The following AHNAK2 variants were observed in gnomAD, a reference collection of about 807,000 sequenced individuals.
The protein encoded by AHNAK2 is protein AHNAK2.
In AHNAK2, 18 loss-of-function variants were observed where a neutral mutation model predicts 30.7. The observed-to-expected ratio is 0.59, with a 90% CI of 0.41 to 0.87. The LOEUF (loss-of-function observed/expected upper bound fraction) is 0.87. AHNAK2 is among the 40% of genes least tolerant of loss of function. The pLI is 0.00. For missense variants in AHNAK2, 8,604 were observed against 7,373.0 expected (o/e 1.17, Z -6.11); for synonymous variants, 3,590 against 3,073.8 (o/e 1.17, Z -5.56).
At chr14:104,964,214 CA>C (rs749097958) in intron 1 of AHNAK2, among the ~76,000 whole-genome samples, 14 of 152,196 alleles carry the variant, frequency 9.2e-5, no homozygotes, top group Non-Finnish European at 1.8e-4. Flanking sequence ...AGAGGATATT[CA>C]ACCAGCCGAT....
At position 104,953,450 on chromosome 14, in the gene AHNAK2, T is replaced by C. The variant is rs1395942506; in HGVS notation, c.2001A>G (p.Glu667=). The C allele has an allele frequency of 1.9e-6, 3 of 1,613,936 alleles. No individual in the cohort carries two copies. In the African/African-American group the frequency reaches 4.0e-5, roughly 22 times the overall value. Reference sequence around the variant, plus strand: ...TGAACTTGCTGTCTTTGGTGGCCACTTCCTTTTCTGTCAGAATTTGTTCCT... The same window carrying C: ...TGAACTTGCTGTCTTTGGTGGCCACCTCCTTTTCTGTCAGAATTTGTTCCT... The part of the protein sequence containing the change: ...LKKEQILTEK[E]VATKDSKFKM... Residue 667 remains glutamate, a synonymous_variant, in exon 7 of 7, where the codon GAA becomes GAG. Coordinates refer to ENST00000333244, the MANE Select transcript of AHNAK2 (RefSeq NM_138420.4).
At chr14:104,974,162 C>A (rs1260806751) in intron 1 of AHNAK2, among the ~76,000 whole-genome samples, 1 of 152,254 alleles carries the variant, frequency 6.6e-6, no homozygotes, top group African/African-American at 2.4e-5. Flanking sequence ...GGTGGAGACA[C>A]CCTCAAGCTC....
chr14:104,950,624 C>T lies in AHNAK2; in HGVS notation c.4827G>A (p.Lys1609=). Reference sequence around the variant, plus strand: ...TCACATCGGGGGCTGTCACTTCCACCTTGGGGCCTTTCAGGTCCAGCTTGG... The same window carrying T: ...TCACATCGGGGGCTGTCACTTCCACTTTGGGGCCTTTCAGGTCCAGCTTGG... ...KGPKLDLKGP[K]VEVTAPDVKM... Residue 1609 remains lysine (K), a synonymous_variant, in exon 7 of 7, where the codon AAG becomes AAA. Coordinates refer to ENST00000333244, the MANE Select transcript of AHNAK2 (RefSeq NM_138420.4). 3 of 1,587,294 alleles carry T rather than the reference C, an allele frequency of 1.9e-6. No individual in the cohort carries two copies. The South Asian group carries it at 3.3e-5, about 18-fold the overall frequency.
Position 104,946,098 on chromosome 14 carries a change from G to A in AHNAK2, c.9353C>T (p.Ala3118Val). Residue 3118 changes from alanine to valine, a missense_variant, in exon 7 of 7, where the codon GCC (alanine) becomes GTC (valine). By Grantham distance (64) the Ala-to-Val change is moderately conservative (BLOSUM62 0). Transcript: ENST00000333244. The part of the protein sequence containing the change: ...GMEVDVEAPG[A>V]KLDGARLEGD... ...CTCCAGCCGTGCACCATCCAACTTG[G>A]CTCCTGGGGCCTCGACATCCACCTC... 1.2e-6 allele frequency: 2 copies of A among 1,611,036 alleles called. No homozygotes were observed. Among genetic ancestry groups the A allele is most frequent in the Non-Finnish European group, 1.7e-6 (2 of 1,179,032 alleles).
intron 1 of AHNAK2, among the ~76,000 whole-genome samples, chr14:104,972,655 C>T (rs1350508292): frequency 6.6e-6 from 1 of 152,240 alleles, no homozygotes; most frequent in Non-Finnish European, 1.5e-5. Flanking sequence ...AGCCCTGGAA[C>T]ACATGACGGA....
rs1264851066 is a variant in AHNAK2, at chr14:104,949,010, A to G, written c.6441T>C (p.Thr2147=). The change falls in exon 7 of 7, where the codon ACT becomes ACC. Residue 2147 remains threonine (T), a synonymous_variant. Transcript: ENST00000333244. ...GDLTLANKDL[T]TKDSKFKMPK... Reference sequence around the variant, plus strand: ...GCATTTTGAACTTGCTGTCTTTGGTAGTCAGGTCCTTGTTGGCCAGGGTCA... The same window carrying G: ...GCATTTTGAACTTGCTGTCTTTGGTGGTCAGGTCCTTGTTGGCCAGGGTCA... 9.5e-6 allele frequency: 11 copies of G among 1,159,652 alleles called. 4 individuals are homozygous for G. The highest frequency in any genetic ancestry group is 1.4e-5 in the South Asian group (1 of 69,988). The allele number at this position is 1,159,652 out of a possible 1,614,324, so 71.8% of individuals were successfully genotyped here. A position where few individuals can be genotyped will look rare whatever the true frequency, so the allele number is the denominator to read the frequency against.
intron 1 of AHNAK2, among the ~76,000 whole-genome samples, chr14:104,964,719 G>A (rs998504293): frequency 2.6e-5 from 4 of 152,248 alleles, no homozygotes; most frequent in African/African-American, 7.2e-5. Context: ...GGGGGAGCCC[G>A]TCACATCCAG....
rs200283728 is a variant in AHNAK2 at position 104,944,609 on chromosome 14, C to T, written c.10842G>A (p.Lys3614=). ...VEVDVQAPKA[K]LDAGRLEGDL... ...CTCCCTCCAGCCGCCCAGCATCCAG[C>T]TTGGCCTTCGGGGCCTGGACATCCA... is the stretch of plus-strand genomic sequence containing the variant. The change falls in exon 7 of 7, where the codon AAG becomes AAA. Residue 3614 remains lysine (K), a synonymous_variant. Coordinates refer to ENST00000333244, the MANE Select transcript of AHNAK2 (RefSeq NM_138420.4). The T allele has an allele frequency of 2.7e-4, 438 of 1,612,020 alleles. 2 individuals are homozygous for T. The highest frequency in any genetic ancestry group is 3.3e-4 in the Non-Finnish European group (387 of 1,179,270).
chr14:104,966,627 C>T lies in AHNAK2; in HGVS notation c.56-8955G>A, dbSNP rs1026248813. On this transcript the variant is annotated intron_variant, in intron 1 of 6. Transcript: ENST00000333244. This position sits in a 1 kb window ranked among gnomAD's most constrained non-coding sequence, Gnocchi z 4.3. ...TGCCAAACCCTCCACTCCTTGCCCACCTGCCCCCTCCCACTCCCTCCACGT... is the reference window on the plus strand; with the variant it reads ...TGCCAAACCCTCCACTCCTTGCCCATCTGCCCCCTCCCACTCCCTCCACGT... Among the ~76,000 whole-genome samples, 1 of 152,142 alleles carries T rather than the reference C, an allele frequency of 6.6e-6. No homozygotes were observed. The highest frequency in any genetic ancestry group is 1.5e-5 in the Non-Finnish European group (1 of 68,026).
At position 104,939,991 on chromosome 14, in the gene AHNAK2, TG is replaced by T; in HGVS notation, c.15459del (p.Thr5154HisfsTer28). 1.9e-6 allele frequency: 3 copies of T among 1,612,316 alleles called. No homozygotes were observed. Among genetic ancestry groups the T allele is most frequent in the Non-Finnish European group, 1.7e-6 (2 of 1,179,886 alleles). The part of the protein sequence containing the change: ...VSQPCGEGIA[P>X]TPEDPLQPSC... ...GATGGCTGGAGGGGATCTTCAGGTG[TG>T]GGGGCTATCCCCTCCCCACAAGGCT... is the stretch of plus-strand genomic sequence containing the variant. On this transcript the variant is annotated frameshift_variant, in exon 7 of 7. Transcript: ENST00000333244. LOFTEE classifies it low-confidence loss of function (END_TRUNC).
rs202107671 is a variant in AHNAK2 at position 104,953,470 on chromosome 14, G to C, written c.1981C>G (p.Gln661Glu). Reference protein sequence around the residue: ...IHDEKRLKKEQILTEKEVATK... With the variant: ...IHDEKRLKKEEILTEKEVATK... ...GCCACTTCCTTTTCTGTCAGAATTT[G>C]TTCCTTTTTTAAGCGTTTTTCATCG... is the stretch of plus-strand genomic sequence containing the variant. Residue 661 changes from glutamine to glutamate, a missense_variant, in exon 7 of 7, where the codon CAA (glutamine) becomes GAA (glutamate). Coordinates refer to ENST00000333244, the MANE Select transcript of AHNAK2 (RefSeq NM_138420.4). 1.9e-6 allele frequency: 3 copies of C among 1,613,962 alleles called. No homozygotes were observed. The highest frequency in any genetic ancestry group is 2.5e-6 in the Non-Finnish European group (3 of 1,179,880).
rs771392778 is a variant in AHNAK2 at position 104,948,802 on chromosome 14, C to T, written c.6649G>A (p.Val2217Met). ...SADVKVQAGQ[V>M]DVKLLEGPVP... ...GGGCCCTCCAGGAGTTTCACGTCCACCTGGCCAGCCTGGACCTTCACGTCG... is the reference window on the plus strand; with the variant it reads ...GGGCCCTCCAGGAGTTTCACGTCCATCTGGCCAGCCTGGACCTTCACGTCG... The change falls in exon 7 of 7, where the codon GTG becomes ATG. Residue 2217 changes from valine (V) to methionine (M), a missense_variant. By Grantham distance (21) the Val-to-Met change is conservative. Coordinates refer to ENST00000333244, the MANE Select transcript of AHNAK2 (RefSeq NM_138420.4). 8 of 1,612,362 alleles carry T rather than the reference C, an allele frequency of 5.0e-6. No individual in the cohort carries two copies. The Admixed American group carries it at 8.3e-5, about 17-fold the overall frequency.
chr14:104,957,330 A>G (rs1899004326), intron 3 of AHNAK2, 80 bp downstream of exon 3: 1 of 1,338,456 alleles, frequency 7.5e-7, no homozygotes, highest in African/African-American at 1.5e-5. Flanking sequence ...GCAAGGTTGA[A>G]CAGACATGCG....
rs368898159 is a variant in AHNAK2 at position 104,949,490 on chromosome 14, C to T, written c.5961G>A (p.Lys1987=). 1 of 1,588,486 alleles carries T rather than the reference C, an allele frequency of 6.3e-7. No homozygotes were observed. Among genetic ancestry groups the T allele is most frequent in the Non-Finnish European group, 8.6e-7 (1 of 1,163,024 alleles). The change falls in exon 7 of 7, where the codon AAG becomes AAA. Residue 1987 remains lysine, a synonymous_variant. Coordinates refer to ENST00000333244, the MANE Select transcript of AHNAK2 (RefSeq NM_138420.4). ...ADKDMTAKDS[K]FKMPKFKMPS... is the part of the protein sequence containing the mutation. ...GCATCTTGAATTTGGGCATTTTGAA[C>T]TTGCTGTCTTTGGCAGTCATGTCCT...
chr14:104,953,368 C>A lies in AHNAK2; in HGVS notation c.2083G>T (p.Glu695Ter). ...GGCGCAGACACATCCACCGAGGCCT[C>A]CATGGACTTGCCTGGGGCTGACGCC... is the stretch of plus-strand genomic sequence containing the variant. ...FGASAPGKSM[E>*]ASVDVSAPKV... The change falls in exon 7 of 7, where the codon GAG (glutamate) becomes TAG (stop). Residue 695 changes from glutamate to a stop codon, truncating the protein, a stop_gained. Coordinates refer to ENST00000333244, the MANE Select transcript of AHNAK2 (RefSeq NM_138420.4). LOFTEE classifies it low-confidence loss of function (END_TRUNC). The A allele has an allele frequency of 9.3e-6, 15 of 1,613,876 alleles. No homozygotes were observed. Among genetic ancestry groups the A allele is most frequent in the Non-Finnish European group, 1.3e-5 (15 of 1,179,884 alleles).
At position 104,946,396 on chromosome 14, in the gene AHNAK2, C is replaced by T; in HGVS notation, c.9055G>A (p.Gly3019Arg). The T allele has an allele frequency of 6.2e-7, 1 of 1,612,636 alleles. No individual in the cohort carries two copies. Among genetic ancestry groups the T allele is most frequent in the Non-Finnish European group, 8.5e-7 (1 of 1,179,570 alleles). Residue 3019 changes from glycine to arginine, a missense_variant, in exon 7 of 7, where the codon GGG becomes AGG. Transcript: ENST00000333244. The part of the protein sequence containing the change: ...EAEVSLPSMQ[G>R]DLKTTDISIE... ...CTGATGTCAGTGGTCTTCAGGTCCC[C>T]CTGCATGGAGGGGAGGCTCACTTCG... is the stretch of plus-strand genomic sequence containing the variant.
Position 104,953,576 on chromosome 14 carries a change from T to A in AHNAK2, c.1875A>T (p.Glu625Asp). The change falls in exon 7 of 7, where the codon GAA (glutamate) becomes GAT (aspartate). Residue 625 changes from glutamate to aspartate, a missense_variant. Physicochemically the swap from Glu to Asp is conservative, Grantham distance 45. Coordinates refer to ENST00000333244, the MANE Select transcript of AHNAK2 (RefSeq NM_138420.4). Reference protein sequence around the residue: ...GEATATADRREQRRTEEGLKD... With the variant: ...GEATATADRRDQRRTEEGLKD... ...TTAATCCTTCCTCTGTGCGTCTCTG[T>A]TCTCTTCTATCAGCTGTTGCTGTGG... 1 of 1,614,010 alleles carries A rather than the reference T, an allele frequency of 6.2e-7. No homozygotes were observed. The highest frequency in any genetic ancestry group is 8.5e-7 in the Non-Finnish European group (1 of 1,179,900).
rs190413347 is a variant in AHNAK2, at chr14:104,939,707, T to C, written c.15744A>G (p.Leu5248=). ...SGSNVEAAMS[L]QLPEADAEVT... is the part of the protein sequence containing the mutation. The stretch of plus-strand genomic sequence containing the variant: ...CTTCTGCATCTGCCTCTGGGAGCTG[T>C]AGGGACATAGCTGCCTCCACGTTTG... The change falls in exon 7 of 7, where the codon CTA becomes CTG. Residue 5248 remains leucine (L), a synonymous_variant. Coordinates refer to ENST00000333244, the MANE Select transcript of AHNAK2 (RefSeq NM_138420.4). 648 of 1,613,882 alleles carry C rather than the reference T, an allele frequency of 4.0e-4. 2 individuals carry two copies. In the African/African-American group the frequency reaches 7.9e-3, roughly 20 times the overall value.
Position 104,952,225 on chromosome 14 carries a change from C to T in AHNAK2, c.3226G>A (p.Gly1076Ser), listed in dbSNP as rs1263558087. 1.2e-6 allele frequency: 2 copies of T among 1,612,404 alleles called. No homozygotes were observed. The highest frequency in any genetic ancestry group is 1.1e-5 in the South Asian group (1 of 91,010). Residue 1076 changes from glycine (G) to serine (S), a missense_variant, in exon 7 of 7, where the codon GGC becomes AGC. Gly to Ser is a moderately conservative substitution (Grantham distance 56). Coordinates refer to ENST00000333244, the MANE Select transcript of AHNAK2 (RefSeq NM_138420.4). ...LPEGHLPEGA[G>S]LKGHLPKVEM... ...ACCTTGGGCAAGTGCCCTTTAAGGC[C>T]AGCTCCCTCGGGCAGGTGGCCCTCC... is the stretch of plus-strand genomic sequence containing the variant.
Sources: gnomAD v4.1 joint callset for allele counts (sites outside exome capture counted in the v4.1 genomes callset) on GRCh38, gnomAD v4.1.1 for gene constraint, Gnocchi (gnomAD v3.1) non-coding constraint, MANE v1.5 for transcripts, NCBI Gene and HGNC (gene_info 2026-07-23, HGNC 2026-07-21) for gene names.